ACACB: variants seen among roughly 807,000 people sequenced by gnomAD.
The protein encoded by ACACB is acetyl-CoA carboxylase 2.
Under a neutral mutation model 278.8 loss-of-function variants are expected in ACACB, and 209 were observed. The ratio of observed to expected loss-of-function variants is 0.75; its 90% CI spans 0.67 to 0.84. The LOEUF (loss-of-function observed/expected upper bound fraction) is 0.84. Among genes scored for constraint, ACACB ranks in the 40% least tolerant of loss-of-function variants. ACACB has a pLI of 0.00. For synonymous variants in ACACB, 1,174 were observed against 1,285.6 expected (o/e 0.91, Z 1.86); for missense variants, 2,850 against 3,269.0 (o/e 0.87, Z 3.13).
intron 2 of ACACB, among the ~76,000 whole-genome samples, chr12:109,153,021 A>G (rs1036451738): frequency 4.6e-5 from 7 of 151,602 alleles, no homozygotes; most frequent in African/African-American, 1.5e-4. Context: ...GAGTCTTGCA[A>G]TGTTGCCCAG....
At chr12:109,194,610 C>CTGTGTGTGTGTG (rs144545047) in intron 16 of ACACB, among the ~76,000 whole-genome samples, 37 of 95,396 alleles carry the variant, frequency 3.9e-4, no homozygotes, top group African/African-American at 6.5e-4. Flanking sequence ...GCCTCTGCCT[C>CTGTGTGTGTGTG]TGTGTGTGTG....
At chr12:109,150,222 A>T (rs2043335785) in intron 2 of ACACB, among the ~76,000 whole-genome samples, 1 of 152,166 alleles carries the variant, frequency 6.6e-6, no homozygotes, top group South Asian at 2.1e-4. Context: ...GAGGCAGGAT[A>T]ATACTAGTGC....
At position 109,140,251 on chromosome 12, in the gene ACACB, C is replaced by T. The variant is rs796580813; in HGVS notation, c.653+193C>T. Among the ~76,000 whole-genome samples the T allele has an allele frequency of 9.3e-4, 119 of 127,344 alleles. 8 individuals carry two copies. Among genetic ancestry groups the T allele is most frequent in the African/African-American group, 3.0e-3 (109 of 35,940 alleles). The allele number at this position is 127,344 out of a possible 152,430, so 83.5% of individuals were successfully genotyped here. A position where few individuals can be genotyped will look rare whatever the true frequency, so the allele number is the denominator to read the frequency against. ...CCTTCCTTCCTTCCTTCCTTCCTTC[C>T]TTCCATCCTTCCTTCCTTCTTTCCT... On this transcript the variant is annotated intron_variant, in intron 2 of 52. Transcript: ENST00000338432.
intron 2 of ACACB, among the ~76,000 whole-genome samples, chr12:109,149,792 G>A (rs2043325807): frequency 6.6e-6 from 1 of 152,204 alleles, no homozygotes; most frequent in Non-Finnish European, 1.5e-5. Flanking sequence ...TGCAAAGATG[G>A]TGAGATACAG....
Position 109,139,443 on chromosome 12 carries a change from C to G in ACACB, c.38C>G (p.Ser13Cys), listed in dbSNP as rs370340277. ...CTTTGTCTATCTTGTCTGATTTTCT[C>G]CTGTCTGACCTTTTCCTGGTTAAAA... is the stretch of plus-strand genomic sequence containing the variant. ...LLLCLSCLIF[S>C]CLTFSWLKIW... The change falls in exon 2 of 53, where the codon TCC becomes TGC. Residue 13 changes from serine to cysteine, a missense_variant. Coordinates refer to ENST00000338432, the MANE Select transcript of ACACB (RefSeq NM_001093.4). 1.6e-5 allele frequency: 26 copies of G among 1,613,944 alleles called. No individual in the cohort carries two copies. The African/African-American group carries it at 3.2e-4, about 20-fold the overall frequency.
chr12:109,205,407 A>G (rs904037301), intron 19 of ACACB, among the ~76,000 whole-genome samples: 2 of 151,686 alleles, frequency 1.3e-5, no homozygotes, highest in Non-Finnish European at 2.9e-5. Flanking sequence ...GGGGACCCAC[A>G]TGGAGAAGCT....
At position 109,152,625 on chromosome 12, in the gene ACACB, T is replaced by TTTCC. The variant is rs1205627974; in HGVS notation, c.653+12570_653+12571insCTTC. On this transcript the variant is annotated intron_variant, in intron 2 of 52. Transcript: ENST00000338432. Reference sequence around the variant, plus strand: ...GGGAAGTGTGGCCCTGCCTGTGCCTTTTCTTTCTTTCTTTCTTTTTTTTTT... The same window carrying TTTCC: ...GGGAAGTGTGGCCCTGCCTGTGCCTTTTCCTTCTTTCTTTCTTTCTTTTTTTTTT... Among the ~76,000 whole-genome samples, 7 of 65,210 alleles carry TTTCC rather than the reference T, an allele frequency of 1.1e-4. No individual in the cohort carries two copies. In the East Asian group the frequency reaches 3.2e-3, roughly 29 times the overall value. The allele number at this position is 65,210 out of a possible 152,430, so 42.8% of individuals were successfully genotyped here.
intron 1 of ACACB, among the ~76,000 whole-genome samples, chr12:109,137,045 G>T (rs2042981575): frequency 6.6e-6 from 1 of 152,172 alleles, no homozygotes; most frequent in South Asian, 2.1e-4. Context: ...TTGTTATCAT[G>T]AAAGGGTGTT....
At chr12:109,244,312 T>C (rs1344571098) in intron 37 of ACACB, among the ~76,000 whole-genome samples, 1 of 152,216 alleles carries the variant, frequency 6.6e-6, no homozygotes, top group African/African-American at 2.4e-5. Context: ...TCAGCTCGAA[T>C]GCTGGATCTG....
intron 25 of ACACB, 27 bp downstream of exon 25, chr12:109,222,647 G>A (rs891985357): frequency 3.0e-5 from 48 of 1,590,936 alleles, no homozygotes; most frequent in Non-Finnish European, 3.7e-5. Flanking sequence ...CGGTCCCCAC[G>A]ATGTGCGTTT....
At chr12:109,222,211 A>G (rs547127863) in intron 24 of ACACB, among the ~76,000 whole-genome samples, 1 of 152,194 alleles carries the variant, frequency 6.6e-6, no homozygotes, top group Middle Eastern at 3.4e-3. Flanking sequence ...GGCTATTAAT[A>G]GTAACGTAGG....
intron 36 of ACACB, 46 bp from the exon 37 acceptor site, chr12:109,242,391 T>A: frequency 1.9e-6 from 3 of 1,584,084 alleles, no homozygotes; most frequent in Non-Finnish European, 2.6e-6. Flanking sequence ...TTGGGGGAGA[T>A]GTGTGATTCT....
rs1251763163 is a variant in ACACB, at chr12:109,180,085, C to T, written c.1816C>T (p.Gln606Ter). 2 of 1,609,860 alleles carry T rather than the reference C, an allele frequency of 1.2e-6. No homozygotes were observed. Among genetic ancestry groups the T allele is most frequent in the African/African-American group, 2.7e-5 (2 of 74,822 alleles). The part of the protein sequence containing the change: ...ADVNLPAAQL[Q>*]IAMGVPLHRL... ...TGTTAATCTGCCGGCCGCCCAGCTA[C>T]AGGTGAGAAAATGGGCTTGGGGCCC... is the stretch of plus-strand genomic sequence containing the variant. The change falls in exon 11 of 53, where the codon CAG (glutamine) becomes TAG (stop). Residue 606 changes from glutamine (Q) to a stop codon, truncating the protein, a stop_gained and splice_region_variant. Transcript: ENST00000338432. LOFTEE classifies it high-confidence loss of function.
chr12:109,210,959 A>G (rs1370900326), intron 21 of ACACB, among the ~76,000 whole-genome samples: 1 of 152,134 alleles, frequency 6.6e-6, no homozygotes, highest in Non-Finnish European at 1.5e-5. Context: ...AAAAAAAAAA[A>G]AAGAATGGAA....
At chr12:109,197,941 C>G (rs2045199688) in intron 17 of ACACB, among the ~76,000 whole-genome samples, 1 of 152,134 alleles carries the variant, frequency 6.6e-6, no homozygotes, top group Non-Finnish European at 1.5e-5. Context: ...GTCACCCAGG[C>G]AGGAGTGCAG....
intron 1 of ACACB, among the ~76,000 whole-genome samples, chr12:109,121,974 G>A (rs78355922): frequency 0.06 from 9,123 of 152,208 alleles, 378 homozygotes; most frequent in Non-Finnish European, 0.082. Context: ...GGTTTGAGGT[G>A]GGGACACTGA....
At chr12:109,180,716 C>A (rs566413413) in intron 11 of ACACB, among the ~76,000 whole-genome samples, 25 of 152,234 alleles carry the variant, frequency 1.6e-4, no homozygotes, top group African/African-American at 5.5e-4. Context: ...CGGCTCACTG[C>A]AGCCTCCGCC....
intron 4 of ACACB, among the ~76,000 whole-genome samples, chr12:109,171,277 G>A (rs757177043): frequency 1.3e-5 from 2 of 151,776 alleles, no homozygotes; most frequent in South Asian, 4.1e-4. Context: ...TCCTTTCCAG[G>A]CCTTCCAGGC....
intron 2 of ACACB, among the ~76,000 whole-genome samples, chr12:109,165,922 G>A (rs558165781): frequency 6.6e-6 from 1 of 152,268 alleles, no homozygotes; most frequent in Non-Finnish European, 1.5e-5. Context: ...AGTTTCCTCT[G>A]GTGTGGAGGG....
Sources: allele counts gnomAD v4.1 joint callset (sites outside exome capture counted in the v4.1 genomes callset), GRCh38; gene constraint gnomAD v4.1.1; transcripts MANE v1.5; gene names NCBI Gene and HGNC (gene_info 2026-07-23, HGNC 2026-07-21).